The following DCC variants were observed in gnomAD, a reference collection of about 807,000 sequenced individuals.
DCC encodes the protein netrin receptor DCC.
A neutral mutation model predicts 172.5 loss-of-function variants in DCC; 58 were observed. That is an observed-to-expected ratio of 0.34 (90% CI 0.27 to 0.42). The LOEUF is 0.42. Ranked by LOEUF, DCC falls within the 10% of genes least tolerant of loss-of-function variation. The pLI, the probability that DCC is intolerant of heterozygous loss-of-function variation, is 1.00. For synonymous variants in DCC, 709 were observed against 644.5 expected (o/e 1.10, Z -1.52); for missense variants, 1,740 against 1,791.0 (o/e 0.97, Z 0.51).
chr18:52,673,902 G>C (rs2035601312), intron 1 of DCC, among the ~76,000 whole-genome samples: 1 of 152,106 alleles, frequency 6.6e-6, no homozygotes, highest in Non-Finnish European at 1.5e-5. Context: ...GTGGGTTCTG[G>C]ACTACATGGC....
chr18:52,841,191 C>T (rs1341107112), intron 2 of DCC, among the ~76,000 whole-genome samples: 1 of 151,906 alleles, frequency 6.6e-6, no homozygotes, highest in Non-Finnish European at 1.5e-5. Context: ...ATGCCTTCAG[C>T]CAGAAAAATC....
At chr18:52,970,911 C>T (rs1447733998) in intron 5 of DCC, among the ~76,000 whole-genome samples, 3 of 152,146 alleles carry the variant, frequency 2.0e-5, no homozygotes, top group Non-Finnish European at 4.4e-5. Context: ...TAAGCAGCAT[C>T]TTCATAACTC....
intron 5 of DCC, among the ~76,000 whole-genome samples, chr18:52,980,286 T>C (rs1273690031): frequency 6.6e-6 from 1 of 152,160 alleles, no homozygotes; most frequent in East Asian, 1.9e-4. Flanking sequence ...TTATTTTATT[T>C]TTTTTTAGAT....
chr18:53,474,729 G>A (rs922096098), intron 25 of DCC, among the ~76,000 whole-genome samples: 8 of 152,140 alleles, frequency 5.3e-5, no homozygotes, highest in East Asian at 1.9e-4. Context: ...TATCAGCAGC[G>A]TGAAAATGGA....
chr18:52,846,969 C>T (rs913783845), intron 2 of DCC, among the ~76,000 whole-genome samples: 1 of 152,020 alleles, frequency 6.6e-6, no homozygotes, highest in Non-Finnish European at 1.5e-5. Context: ...AGAAGTCAGC[C>T]TGCCTGACTT....
intron 1 of DCC, among the ~76,000 whole-genome samples, chr18:52,500,885 A>C (rs1598868574): frequency 6.6e-6 from 1 of 152,166 alleles, no homozygotes; most frequent in South Asian, 2.1e-4. Context: ...TTTACTCCCT[A>C]AGGTATTGAA....
At chr18:53,472,743 G>C (rs945467954) in intron 25 of DCC, among the ~76,000 whole-genome samples, 2 of 152,066 alleles carry the variant, frequency 1.3e-5, no homozygotes, top group Non-Finnish European at 2.9e-5. Context: ...GCATCTTCCA[G>C]ACTCTTAGGC....
At chr18:52,385,643 T>TTAGTAGTAGTAG (rs201569864) in intron 1 of DCC, among the ~76,000 whole-genome samples, 50 of 151,766 alleles carry the variant, frequency 3.3e-4, no homozygotes, top group South Asian at 2.3e-3. Flanking sequence ...GGTAGTAGTG[T>TTAGTAGTAGTAG]TAGTAGTAGT....
intron 5 of DCC, among the ~76,000 whole-genome samples, chr18:53,028,608 T>C (rs1459564650): frequency 6.6e-6 from 1 of 152,206 alleles, no homozygotes; most frequent in Admixed American, 6.6e-5. Flanking sequence ...ACCTAATAGT[T>C]CTTTTATTAA....
chr18:53,449,092 C>T, intron 22 of DCC, among the ~76,000 whole-genome samples: 1 of 151,928 alleles, frequency 6.6e-6, no homozygotes, highest in East Asian at 1.9e-4. Flanking sequence ...TACAGAAGGT[C>T]TAAATATTTT....
At chr18:53,204,085 T>A (rs924538076) in intron 9 of DCC, among the ~76,000 whole-genome samples, 4 of 139,004 alleles carry the variant, frequency 2.9e-5, no homozygotes, top group Non-Finnish European at 5.9e-5. Context: ...TTACATTTGA[T>A]TAACAATGTA....
chr18:53,486,613 A>G (rs1419272566), intron 25 of DCC, among the ~76,000 whole-genome samples, 184 bp from the exon 26 acceptor site: 1 of 152,192 alleles, frequency 6.6e-6, no homozygotes, highest in African/African-American at 2.4e-5. Context: ...ATGATGCTTG[A>G]GGGATGAGCT....
intron 12 of DCC, among the ~76,000 whole-genome samples, chr18:53,273,218 CT>C (rs764459567): frequency 1.3e-5 from 2 of 152,134 alleles, no homozygotes; most frequent in South Asian, 2.1e-4. Context: ...GAAGTATGTG[CT>C]CTTATGAATA....
chr18:52,827,931 GTGT>G (rs570808342), intron 2 of DCC, among the ~76,000 whole-genome samples: 124 of 151,984 alleles, frequency 8.2e-4, no homozygotes, highest in African/African-American at 2.9e-3. Context: ...GCTTGGTTTT[GTGT>G]TGTTCATTGA....
chr18:52,415,899 T>C (rs1344253093), intron 1 of DCC, among the ~76,000 whole-genome samples: 2 of 152,214 alleles, frequency 1.3e-5, no homozygotes, highest in Non-Finnish European at 2.9e-5. Flanking sequence ...TTTAGTTATT[T>C]CTTGCCGTCT....
At chr18:52,967,309 A>G (rs1373861684) in intron 5 of DCC, among the ~76,000 whole-genome samples, 1 of 152,088 alleles carries the variant, frequency 6.6e-6, no homozygotes, top group East Asian at 1.9e-4. Context: ...ACCTTCTCCC[A>G]AGGTAGAGTT....
rs541317279 is a variant in DCC at position 52,644,346 on chromosome 18, A to G, written c.92-107708A>G. Among the ~76,000 whole-genome samples, 14 of 152,322 alleles carry G rather than the reference A, an allele frequency of 9.2e-5. No individual in the cohort carries two copies. The South Asian group carries it at 2.7e-3, about 29-fold the overall frequency. On this transcript the variant is annotated intron_variant, in intron 1 of 28. Transcript: ENST00000442544. ...GTAATCCCAGCATTCTGGGAGGCCA[A>G]GGCGGGTGGATCATGAGGTCAGGAG...
intron 13 of DCC, among the ~76,000 whole-genome samples, chr18:53,316,438 T>A (rs1378236145): frequency 2.6e-5 from 4 of 151,922 alleles, no homozygotes; most frequent in African/African-American, 9.7e-5. Flanking sequence ...CTATGCAGGC[T>A]CTTTTTTGAA....
intron 5 of DCC, among the ~76,000 whole-genome samples, chr18:53,013,625 G>A (rs746375543): frequency 5.3e-5 from 8 of 151,356 alleles, no homozygotes; most frequent in Non-Finnish European, 5.9e-5. Context: ...GGGTTGATAG[G>A]TGCAGCAAAC....
Sources: gnomAD v4.1 joint callset for allele counts (sites outside exome capture counted in the v4.1 genomes callset) on GRCh38, gnomAD v4.1.1 for gene constraint, MANE v1.5 for transcripts, NCBI Gene and HGNC (gene_info 2026-07-23, HGNC 2026-07-21) for gene names.